LINC00305: variants seen among roughly 807,000 people sequenced by gnomAD.
LINC00305 encodes the protein long intergenic non-protein coding RNA 305.
At chr18:64,143,572 A>AT in intron 1 of LINC00305, among the ~76,000 whole-genome samples, 1 of 11,470 alleles carries the variant, frequency 8.7e-5, no homozygotes, top group East Asian at 1.3e-3. Context: ...ATATATACAC[A>AT]TATGTATATG....
At chr18:64,097,848 G>T in exon 3 of LINC00305, 1 of 457,186 alleles carries the variant, frequency 2.2e-6, no homozygotes, top group Non-Finnish European at 4.4e-6. Flanking sequence ...ATTCTTCATT[G>T]AGAGCATGTA....
In LINC00305 at chr18:64,129,501, C is replaced by A. The variant is rs2144266695; in HGVS notation, n.314+19274G>T. ...CAATGCTTCACAGTGTTCTACTGAA[C>A]AACTTCCATACTTTTGCTGTTATTC... On this transcript the variant is annotated intron_variant and non_coding_transcript_variant, in intron 1 of 3. Transcript: ENST00000666468. Among the ~76,000 whole-genome samples, 3 of 152,226 alleles carry A rather than the reference C, an allele frequency of 2.0e-5. No individual in the cohort carries two copies. In the Middle Eastern group the frequency reaches 0.01, roughly 518 times the overall value.
At chr18:64,095,242 T>A (rs1028615401) in intron 3 of LINC00305, among the ~76,000 whole-genome samples, 3 of 152,130 alleles carry the variant, frequency 2.0e-5, no homozygotes, top group African/African-American at 4.8e-5. Flanking sequence ...CAGGCAAGCA[T>A]GAGGCTAGGA....
intron 1 of LINC00305, among the ~76,000 whole-genome samples, chr18:64,113,951 T>C (rs1390570772): frequency 1.3e-5 from 2 of 152,210 alleles, no homozygotes; most frequent in Non-Finnish European, 2.9e-5. Flanking sequence ...CAGAGTTTTA[T>C]GAAATTTATG....
chr18:64,111,179 G>T (rs2051313144), intron 1 of LINC00305, among the ~76,000 whole-genome samples: 1 of 152,200 alleles, frequency 6.6e-6, no homozygotes, highest in Non-Finnish European at 1.5e-5. Flanking sequence ...ATTTCATCAG[G>T]ATGGTTGCCT....
intron 1 of LINC00305, among the ~76,000 whole-genome samples, chr18:64,140,900 T>A (rs2051459198): frequency 6.6e-6 from 1 of 151,862 alleles, no homozygotes; most frequent in Non-Finnish European, 1.5e-5. Flanking sequence ...AGAGATGCAG[T>A]GTTGCTGGCT....
intron 1 of LINC00305, among the ~76,000 whole-genome samples, chr18:64,121,698 A>G (rs938431688): frequency 4.6e-5 from 7 of 152,112 alleles, no homozygotes; most frequent in Admixed American, 4.6e-4. Context: ...TTTCCTGTGC[A>G]TAGACACCCA....
At chr18:64,143,519 T>C (rs1328901457) in intron 1 of LINC00305, among the ~76,000 whole-genome samples, 2 of 131,618 alleles carry the variant, frequency 1.5e-5, no homozygotes, top group South Asian at 2.1e-4. Context: ...ACCATCAATA[T>C]ACATATTATG....
chr18:64,084,686 G>A (rs571948375), intron 3 of LINC00305, among the ~76,000 whole-genome samples: 8 of 152,328 alleles, frequency 5.3e-5, no homozygotes, highest in African/African-American at 1.9e-4. Context: ...TCATGCATCT[G>A]CAGGGTTCGT....
chr18:64,140,871 C>A (rs2051458995), intron 1 of LINC00305, among the ~76,000 whole-genome samples: 1 of 151,644 alleles, frequency 6.6e-6, no homozygotes, highest in Non-Finnish European at 1.5e-5. Flanking sequence ...AGAGATGTGA[C>A]CAGGGAAGAA....
At chr18:64,109,712 T>C (rs773947487) in intron 1 of LINC00305, among the ~76,000 whole-genome samples, 21 of 152,226 alleles carry the variant, frequency 1.4e-4, no homozygotes, top group Non-Finnish European at 5.9e-5. Context: ...TCTTGGTTTT[T>C]TTTTCCTGTC....
rs115955934 is a variant in LINC00305 at position 64,106,074 on chromosome 18, C to A, written n.315-7434G>T. 6.9e-3 allele frequency among the ~76,000 whole-genome samples: 1,046 copies of A among 152,304 alleles called. 8 individuals are homozygous for A. Among genetic ancestry groups the A allele is most frequent in the African/African-American group, 0.024 (1,013 of 41,552 alleles). On this transcript the variant is annotated intron_variant and non_coding_transcript_variant, in intron 1 of 3. Coordinates refer to ENST00000666468, the Ensembl canonical transcript of LINC00305. The stretch of plus-strand genomic sequence containing the variant: ...CTAGCAATTTGTCAACAGAGTTAGC[C>A]TTTGAGATTTCTGCTTCTACAAACT...
intron 1 of LINC00305, among the ~76,000 whole-genome samples, chr18:64,116,432 A>G (rs77852648): frequency 0.014 from 2,074 of 152,326 alleles, 42 homozygotes; most frequent in East Asian, 0.11. Context: ...TAAACATCTT[A>G]AGAATATTTA....
chr18:64,140,857 G>A (rs1208959075), intron 1 of LINC00305, among the ~76,000 whole-genome samples: 1 of 151,990 alleles, frequency 6.6e-6, no homozygotes, highest in Non-Finnish European at 1.5e-5. Context: ...GAGAGTTCAT[G>A]GAGAGAGATG....
intron 1 of LINC00305, among the ~76,000 whole-genome samples, chr18:64,127,741 T>C (rs2144265169): frequency 6.6e-6 from 1 of 152,230 alleles, no homozygotes; most frequent in African/African-American, 2.4e-5. Context: ...AACTTCTACC[T>C]GCTATGTGGG....
intron 1 of LINC00305, among the ~76,000 whole-genome samples, chr18:64,143,489 G>GTA (rs1351693350): frequency 4.0e-5 from 2 of 50,426 alleles, no homozygotes; most frequent in Non-Finnish European, 8.4e-5. Flanking sequence ...GATGGTGTGT[G>GTA]TGTGTATATA....
intron 3 of LINC00305, among the ~76,000 whole-genome samples, chr18:64,097,030 G>C (rs899642321): frequency 3.3e-5 from 5 of 151,740 alleles, no homozygotes; most frequent in African/African-American, 1.2e-4. Context: ...AAGAATTCTG[G>C]AGGACATGGT....
chr18:64,142,890 G>T (rs1340837205), intron 1 of LINC00305, among the ~76,000 whole-genome samples: 2 of 152,030 alleles, frequency 1.3e-5, no homozygotes, highest in Non-Finnish European at 2.9e-5. Flanking sequence ...AGAAACAATG[G>T]GTTATATGAA....
At chr18:64,145,073 TG>T (rs987826715) in intron 1 of LINC00305, among the ~76,000 whole-genome samples, 57 of 152,316 alleles carry the variant, frequency 3.7e-4, no homozygotes, top group African/African-American at 1.3e-3. Flanking sequence ...TCTAACCTGT[TG>T]TCTAGCTTCA....
Sources: gnomAD v4.1 joint callset for allele counts (sites outside exome capture counted in the v4.1 genomes callset) on GRCh38, gnomAD v4.1.1 for gene constraint, MANE v1.5 for transcripts, NCBI Gene and HGNC (gene_info 2026-07-23, HGNC 2026-07-21) for gene names.